The following NMNAT2 variants were observed in gnomAD, a reference collection of about 807,000 sequenced individuals.
NMNAT2 encodes nicotinamide/nicotinic acid mononucleotide adenylyltransferase 2.
A neutral mutation model predicts 41.6 loss-of-function variants in NMNAT2; 11 were observed. That is an observed-to-expected ratio of 0.26 (90% confidence interval 0.17 to 0.44). The LOEUF is 0.44. NMNAT2 is among the 20% of genes least tolerant of loss of function. The probability of loss-of-function intolerance (pLI) is 1.00; values close to 1 mark genes in which losing one functional copy is unlikely to be tolerated. For synonymous variants in NMNAT2, 148 were observed against 151.2 expected (o/e 0.98, Z 0.16); for missense variants, 288 against 407.7 (o/e 0.71, Z 2.53).
chr1:183,355,781 C>T (rs1663171988), intron 1 of NMNAT2, among the ~76,000 whole-genome samples: 1 of 152,204 alleles, frequency 6.6e-6, no homozygotes, highest in South Asian at 2.1e-4. Context: ...TGTTTCTGGG[C>T]CTGTACAGGT....
At chr1:183,289,511 A>G (rs143539385) in intron 4 of NMNAT2, among the ~76,000 whole-genome samples, 370 of 152,348 alleles carry the variant, frequency 2.4e-3, no homozygotes, top group South Asian at 7.2e-3. Flanking sequence ...GTGTTCACCA[A>G]ACACTCACTG....
chr1:183,350,221 C>CT (rs1485061428), intron 1 of NMNAT2, among the ~76,000 whole-genome samples: 1 of 152,146 alleles, frequency 6.6e-6, no homozygotes, highest in Non-Finnish European at 1.5e-5. Context: ...TGAAGGTCTT[C>CT]TTTTTTCCTT....
intron 8 of NMNAT2, among the ~76,000 whole-genome samples, chr1:183,276,139 T>G (rs1661119685): frequency 6.6e-6 from 1 of 152,144 alleles, no homozygotes; most frequent in African/African-American, 2.4e-5. Context: ...CTCCCCTTTT[T>G]CCACAACCAC....
At chr1:183,279,230 G>A (rs910330863) in intron 7 of NMNAT2, among the ~76,000 whole-genome samples, 9 of 152,184 alleles carry the variant, frequency 5.9e-5, no homozygotes, top group African/African-American at 2.2e-4. Context: ...GCACCCAGGC[G>A]CACTTCCTGC....
In NMNAT2 at chr1:183,370,224, A is replaced by G. The variant is rs117816970; in HGVS notation, c.85+47959T>C. The stretch of plus-strand genomic sequence containing the variant: ...CTTCCTACCACTACTATCAACACAT[A>G]CACACACACACACACACACACACAC... On this transcript the variant is annotated intron_variant, in intron 1 of 10. Transcript: ENST00000287713. 6.6e-3 allele frequency among the ~76,000 whole-genome samples: 94 copies of G among 14,140 alleles called. No homozygotes were observed. The East Asian group carries it at 0.082, about 12-fold the overall frequency. 9.3% of individuals were successfully genotyped at this position (14,140 alleles called of 152,430 possible). A position where few individuals can be genotyped will look rare whatever the true frequency, so the allele number is the denominator to read the frequency against.
intron 1 of NMNAT2, among the ~76,000 whole-genome samples, chr1:183,413,305 C>T (rs1649167506): frequency 6.6e-6 from 1 of 152,126 alleles, no homozygotes; most frequent in Admixed American, 6.6e-5. Context: ...AAATTCAATT[C>T]TTTTTCTGGG....
intron 1 of NMNAT2, among the ~76,000 whole-genome samples, chr1:183,318,468 T>G (rs775931361): frequency 6.6e-6 from 1 of 152,214 alleles, no homozygotes; most frequent in Non-Finnish European, 1.5e-5. Context: ...GATTTTTTCC[T>G]GGCCAGTTTT....
At chr1:183,384,721 C>G (rs1432455622) in intron 1 of NMNAT2, among the ~76,000 whole-genome samples, 1 of 152,194 alleles carries the variant, frequency 6.6e-6, no homozygotes, top group Non-Finnish European at 1.5e-5. Flanking sequence ...TCAAAGACGT[C>G]TCTCATTGCC....
chr1:183,396,669 C>T (rs1303626808), intron 1 of NMNAT2, among the ~76,000 whole-genome samples: 1 of 152,082 alleles, frequency 6.6e-6, no homozygotes, highest in Non-Finnish European at 1.5e-5. Flanking sequence ...GGGAGCATGC[C>T]AACATATAAA....
chr1:183,316,955 AG>A (rs1662267055), intron 1 of NMNAT2, among the ~76,000 whole-genome samples: 1 of 152,206 alleles, frequency 6.6e-6, no homozygotes, highest in African/African-American at 2.4e-5. Flanking sequence ...CCATGCCCTC[AG>A]CTAGTTGTTA....
rs1660330037 is a variant in NMNAT2, at chr1:183,249,887, T to A, written c.*2754A>T. ...CACTTCATTCCTAGAAATCTACTTCTATGGCACCTGTTCTTTGTCTTAATT... is the reference window on the plus strand; with the variant it reads ...CACTTCATTCCTAGAAATCTACTTCAATGGCACCTGTTCTTTGTCTTAATT... On this transcript the variant is annotated 3_prime_UTR_variant, in exon 11 of 11. Transcript: ENST00000287713. The A allele has an allele frequency of 6.6e-6, 1 of 152,206 alleles. No individual in the cohort carries two copies. Among genetic ancestry groups the A allele is most frequent in the African/African-American group, 2.4e-5 (1 of 41,430 alleles). The allele number at this position is 152,206 out of a possible 1,614,324, so 9.4% of individuals were successfully genotyped here.
chr1:183,334,992 G>A (rs577034286), intron 1 of NMNAT2, among the ~76,000 whole-genome samples: 2 of 152,244 alleles, frequency 1.3e-5, no homozygotes, highest in South Asian at 4.2e-4. Context: ...GCACAACTTG[G>A]AATTAGATTA....
At chr1:183,357,036 TAA>T (rs1190577868) in intron 1 of NMNAT2, among the ~76,000 whole-genome samples, 1 of 152,048 alleles carries the variant, frequency 6.6e-6, no homozygotes, top group Non-Finnish European at 1.5e-5. Flanking sequence ...TAAAAATGAA[TAA>T]GACACAACAC....
At chr1:183,370,275 C>G (rs1304134504) in intron 1 of NMNAT2, among the ~76,000 whole-genome samples, 8 of 146,942 alleles carry the variant, frequency 5.4e-5, no homozygotes, top group Non-Finnish European at 1.0e-4. Context: ...CACACACACA[C>G]AGGCTGCAGT....
chr1:183,333,896 T>G (rs1459584636), intron 1 of NMNAT2, among the ~76,000 whole-genome samples: 1 of 152,226 alleles, frequency 6.6e-6, no homozygotes, highest in Non-Finnish European at 1.5e-5. Context: ...GTTCTTGTTC[T>G]CTTCAACTAT....
At chr1:183,379,657 A>G (rs1663760707) in intron 1 of NMNAT2, among the ~76,000 whole-genome samples, 1 of 152,218 alleles carries the variant, frequency 6.6e-6, no homozygotes, top group African/African-American at 2.4e-5. Flanking sequence ...AAAACAAAGT[A>G]TTCAAGTCAC....
intron 1 of NMNAT2, among the ~76,000 whole-genome samples, chr1:183,390,294 A>T (rs1172681617): frequency 6.6e-6 from 1 of 152,226 alleles, no homozygotes; most frequent in Non-Finnish European, 1.5e-5. Context: ...CTTAGTGCTT[A>T]CAGTGAGGAA....
intron 7 of NMNAT2, among the ~76,000 whole-genome samples, chr1:183,280,035 G>A (rs1235836521): frequency 6.6e-6 from 1 of 152,198 alleles, no homozygotes; most frequent in Admixed American, 6.5e-5. Flanking sequence ...GGTGACTATC[G>A]TGGCCTCTGC....
chr1:183,413,530 T>G (rs1000696188), intron 1 of NMNAT2, among the ~76,000 whole-genome samples: 5 of 152,172 alleles, frequency 3.3e-5, no homozygotes, highest in African/African-American at 4.8e-5. Flanking sequence ...TTGTGCCATT[T>G]GAGTTATCAG....
Sources: allele counts gnomAD v4.1 joint callset (sites outside exome capture counted in the v4.1 genomes callset), GRCh38; gene constraint gnomAD v4.1.1; transcripts MANE v1.5; gene names NCBI Gene and HGNC (gene_info 2026-07-23, HGNC 2026-07-21).